The following B3GALT1 variants were observed in gnomAD, a reference collection of about 807,000 sequenced individuals.
B3GALT1 encodes the protein beta-1,3-galactosyltransferase 1, also known as UDP-Gal:betaGlcNAc beta 1,3-galactosyltransferase, polypeptide 1.
B3GALT1 carries 10 observed loss-of-function variants against 23.2 expected under a neutral mutation model. The observed-to-expected ratio is 0.43, with a 90% CI of 0.27 to 0.73. The LOEUF is 0.73. B3GALT1 is among the 30% of genes least tolerant of loss of function. The pLI is 0.21. For missense variants in B3GALT1, 299 were observed against 405.4 expected, an observed-to-expected ratio of 0.74 and a Z score of 2.25; for synonymous variants, 156 against 141.5, an observed-to-expected ratio of 1.10 and a Z score of -0.73.
chr2:167,872,300 T>G lies in B3GALT1; in HGVS notation c.*2280T>G, dbSNP rs940807636. 1 of 152,224 alleles carries G rather than the reference T, an allele frequency of 6.6e-6. No homozygotes were observed. The highest frequency in any genetic ancestry group is 2.4e-5 in the African/African-American group (1 of 41,440). 9.4% of individuals were successfully genotyped at this position (152,224 alleles called of 1,614,324 possible). A position where few individuals can be genotyped will look rare whatever the true frequency, so the allele number is the denominator to read the frequency against. ...ATAAGTGGAAGTCATGGCTTGTTTCTGCAAAACACGATCTCTCATCCCCCA... is the reference window on the plus strand; with the variant it reads ...ATAAGTGGAAGTCATGGCTTGTTTCGGCAAAACACGATCTCTCATCCCCCA... On this transcript the variant is annotated 3_prime_UTR_variant, in exon 5 of 5. Coordinates refer to ENST00000392690, the MANE Select transcript of B3GALT1 (RefSeq NM_020981.4).
intron 1 of B3GALT1, among the ~76,000 whole-genome samples, chr2:167,415,709 C>T (rs1359915971): frequency 6.6e-6 from 1 of 152,102 alleles, no homozygotes; most frequent in African/African-American, 2.4e-5. Context: ...ATAGGGACAG[C>T]AAAGAACGTT....
At chr2:167,523,540 C>G (rs1344645359) in intron 2 of B3GALT1, among the ~76,000 whole-genome samples, 2 of 152,012 alleles carry the variant, frequency 1.3e-5, no homozygotes, top group Admixed American at 1.3e-4. Context: ...ATTCTCCTGC[C>G]TCAGCCTCCC....
chr2:167,434,602 C>T (rs1302928323), intron 1 of B3GALT1, among the ~76,000 whole-genome samples: 7 of 151,026 alleles, frequency 4.6e-5, no homozygotes, highest in East Asian at 1.9e-4. Flanking sequence ...GGGTATAAAT[C>T]GTCCCCAGTT....
chr2:167,701,669 AAATT>A lies in B3GALT1; in HGVS notation c.-352+54709_-352+54712del, dbSNP rs1686883933. Among the ~76,000 whole-genome samples the A allele has an allele frequency of 2.6e-5, 4 of 152,234 alleles. 1 individual carries two copies. In the South Asian group the frequency reaches 8.3e-4, roughly 32 times the overall value. Reference sequence around the variant, plus strand: ...TACTAAGGCAGATGTCCTTGATCAAAAATTAATTAGTTATAATATAAATCAGTGG... The same window carrying A: ...TACTAAGGCAGATGTCCTTGATCAAAAATTAGTTATAATATAAATCAGTGG... On this transcript the variant is annotated intron_variant, in intron 3 of 4. Transcript: ENST00000392690.
chr2:167,310,796 G>T (rs1405209487), intron 1 of B3GALT1, among the ~76,000 whole-genome samples: 1 of 152,078 alleles, frequency 6.6e-6, no homozygotes, highest in African/African-American at 2.4e-5. Context: ...CCTGCTGGAA[G>T]ATGAGTTAAA....
At chr2:167,831,051 G>A (rs1057386332) in intron 4 of B3GALT1, among the ~76,000 whole-genome samples, 3 of 152,212 alleles carry the variant, frequency 2.0e-5, no homozygotes, top group African/African-American at 7.2e-5. Flanking sequence ...ACAAAATCTA[G>A]TTATTACTAT....
chr2:167,375,255 T>C (rs1250667737), intron 1 of B3GALT1, among the ~76,000 whole-genome samples: 1 of 152,154 alleles, frequency 6.6e-6, no homozygotes, highest in Non-Finnish European at 1.5e-5. Context: ...TATAGTATAG[T>C]TTGAAGTCAG....
chr2:167,644,724 G>A (rs1685713629), intron 2 of B3GALT1, among the ~76,000 whole-genome samples: 3 of 144,368 alleles, frequency 2.1e-5, no homozygotes, highest in African/African-American at 7.8e-5. Context: ...AGCTTGCAGT[G>A]AGCCAAGATC....
At chr2:167,351,299 C>A (rs563096031) in intron 1 of B3GALT1, among the ~76,000 whole-genome samples, 3 of 149,916 alleles carry the variant, frequency 2.0e-5, no homozygotes, top group East Asian at 2.0e-4. Flanking sequence ...ACAAAAAAAA[C>A]CACACACAAA....
intron 3 of B3GALT1, among the ~76,000 whole-genome samples, chr2:167,663,505 T>G (rs1011440544): frequency 6.6e-6 from 1 of 152,050 alleles, no homozygotes; most frequent in Admixed American, 6.5e-5. Flanking sequence ...CAAATGGTAT[T>G]TCTAGTTCTA....
intron 1 of B3GALT1, among the ~76,000 whole-genome samples, chr2:167,353,057 T>A (rs1316120187): frequency 2.0e-5 from 3 of 152,170 alleles, no homozygotes; most frequent in Admixed American, 2.0e-4. Context: ...GACCTATCTC[T>A]GTATTGTAAG....
intron 3 of B3GALT1, among the ~76,000 whole-genome samples, chr2:167,755,863 T>A (rs1687807219): frequency 3.3e-5 from 5 of 151,668 alleles, no homozygotes; most frequent in African/African-American, 1.2e-4. Flanking sequence ...TGGTCCCAGC[T>A]ACTGAGGAGG....
intron 1 of B3GALT1, among the ~76,000 whole-genome samples, chr2:167,343,369 A>G (rs1400044998): frequency 6.6e-6 from 1 of 152,208 alleles, no homozygotes; most frequent in Non-Finnish European, 1.5e-5. Context: ...ATCACTATGA[A>G]TATATTTTTC....
chr2:167,510,579 C>A (rs1409608088), intron 2 of B3GALT1, among the ~76,000 whole-genome samples: 1 of 151,936 alleles, frequency 6.6e-6, no homozygotes, highest in Non-Finnish European at 1.5e-5. Context: ...TCATTCTTTC[C>A]CAGATGTGTT....
In B3GALT1 at chr2:167,345,029, T is replaced by C. The variant is rs529295297; in HGVS notation, c.-511+51695T>C. 4.6e-5 allele frequency among the ~76,000 whole-genome samples: 7 copies of C among 152,286 alleles called. No homozygotes were observed. In the South Asian group the frequency reaches 1.5e-3, roughly 32 times the overall value. The stretch of plus-strand genomic sequence containing the variant: ...GAAATAAAAAATCCTAATAAAATAT[T>C]TTAATTTTTATTTAATCAACAAAAT... On this transcript the variant is annotated intron_variant, in intron 1 of 4. Transcript: ENST00000392690.
At chr2:167,534,956 A>C (rs986610477) in intron 2 of B3GALT1, among the ~76,000 whole-genome samples, 4 of 152,180 alleles carry the variant, frequency 2.6e-5, no homozygotes, top group African/African-American at 9.7e-5. Context: ...TCATTTTAAA[A>C]AAGAAGAAAG....
intron 2 of B3GALT1, among the ~76,000 whole-genome samples, chr2:167,568,379 C>T (rs1192277058): frequency 6.6e-6 from 1 of 152,054 alleles, no homozygotes; most frequent in African/African-American, 2.4e-5. Context: ...GTTCTTATTG[C>T]TCCATATCCT....
At chr2:167,664,119 A>G (rs1042572673) in intron 3 of B3GALT1, among the ~76,000 whole-genome samples, 1 of 150,648 alleles carries the variant, frequency 6.6e-6, no homozygotes, top group African/African-American at 2.5e-5. Context: ...TCTTTAATCC[A>G]TCTTGAATTG....
intron 4 of B3GALT1, among the ~76,000 whole-genome samples, chr2:167,835,359 A>T (rs1485077571): frequency 6.6e-6 from 1 of 152,182 alleles, no homozygotes; most frequent in Non-Finnish European, 1.5e-5. Flanking sequence ...GGGCTTAAAA[A>T]ACGGCGCACC....
Sources: gnomAD v4.1 joint callset for allele counts (sites outside exome capture counted in the v4.1 genomes callset) on GRCh38, gnomAD v4.1.1 for gene constraint, MANE v1.5 for transcripts, NCBI Gene and HGNC (gene_info 2026-07-23, HGNC 2026-07-21) for gene names.